Variants in SOX10 observed in about 807,000 individuals in gnomAD.
SOX10 encodes the protein SRY-box transcription factor 10, also known as transcription factor SOX-10.
In SOX10, 3 loss-of-function variants were observed where a neutral mutation model predicts 35.0. The ratio of observed to expected loss-of-function variants is 0.09; its 90% confidence interval spans 0.04 to 0.22. The LOEUF (loss-of-function observed/expected upper bound fraction) is 0.22. Among genes scored for constraint, SOX10 ranks in the 10% least tolerant of loss-of-function variants. The pLI, the probability that SOX10 is intolerant of heterozygous loss-of-function variation, is 1.00. For synonymous variants in SOX10, 285 were observed against 291.0 expected, an observed-to-expected ratio of 0.98 and a Z score of 0.21; for missense variants, 436 against 655.1, an observed-to-expected ratio of 0.67 and a Z score of 3.65.
rs943287191 is a variant in SOX10 at position 37,973,408 on chromosome 22, C to A, written c.*87G>T. On this transcript the variant is annotated 3_prime_UTR_variant, in exon 4 of 4. Transcript: ENST00000396884. ...TCAGCCTCCTCAGCCTCCTCCACTG[C>A]CACCACCAGGCCTGAGGTGGGCAAG... 1.1e-6 allele frequency: 1 copy of A among 897,316 alleles called. No individual in the cohort carries two copies. The highest frequency in any genetic ancestry group is 1.7e-5 in the African/African-American group (1 of 59,718). The allele number at this position is 897,316 out of a possible 1,614,324, so 55.6% of individuals were successfully genotyped here.
Sources: gnomAD v4.1 joint callset for allele counts on GRCh38, gnomAD v4.1.1 for gene constraint, MANE v1.5 for transcripts, NCBI Gene and HGNC (gene_info 2026-07-23, HGNC 2026-07-21) for gene names.